Variants in TCF4 observed in about 807,000 individuals in gnomAD.
TCF4 encodes the protein transcription factor 4.
In TCF4, 3 loss-of-function variants were observed where a neutral mutation model predicts 82.1. That is an observed-to-expected ratio of 0.04 (90% CI 0.02 to 0.09). The LOEUF (loss-of-function observed/expected upper bound fraction) is 0.09. Ranked by LOEUF, TCF4 falls within the 10% of genes least tolerant of loss-of-function variation. The pLI is 1.00. For missense variants in TCF4, 518 were observed against 852.7 expected, an observed-to-expected ratio of 0.61 and a Z score of 4.89; for synonymous variants, 276 against 309.6, an observed-to-expected ratio of 0.89 and a Z score of 1.14.
chr18:55,448,514 T>G (rs974877924), intron 5 of TCF4, among the ~76,000 whole-genome samples: 8 of 152,252 alleles, frequency 5.3e-5, no homozygotes, highest in Non-Finnish European at 1.2e-4. Context: ...TTTTCCCATA[T>G]GTACACTTTA....
intron 3 of TCF4, among the ~76,000 whole-genome samples, chr18:55,559,333 G>C (rs2097334965): frequency 6.6e-6 from 1 of 151,996 alleles, no homozygotes; most frequent in Admixed American, 6.6e-5. Context: ...ATTAAAATAA[G>C]TTCCTGTAAA....
At chr18:55,602,261 A>G (rs972602839) in intron 2 of TCF4, among the ~76,000 whole-genome samples, 2 of 152,218 alleles carry the variant, frequency 1.3e-5, no homozygotes, top group African/African-American at 4.8e-5. Context: ...GCTCAAGATC[A>G]TAACATTAGT....
intron 15 of TCF4, among the ~76,000 whole-genome samples, chr18:55,247,451 T>C (rs926251801): frequency 1.1e-4 from 16 of 152,224 alleles, no homozygotes; most frequent in Admixed American, 2.6e-4. Context: ...AGGTGGCTTA[T>C]GGATTTCAGT....
intron 2 of TCF4, among the ~76,000 whole-genome samples, chr18:55,620,426 A>G (rs1001702945): frequency 6.6e-5 from 10 of 152,188 alleles, no homozygotes; most frequent in Non-Finnish European, 1.5e-4. Context: ...GGTTATAGAC[A>G]CTATTCCTGG....
rs538630354 is a variant in TCF4 at position 55,371,432 on chromosome 18, C to T, written c.370-20429G>A. On this transcript the variant is annotated intron_variant, in intron 6 of 19. Transcript: ENST00000354452. ...TTCATTTGTGGACAGGAGACATTCACTGTACCTACTCAAAGAGATGCTTGG... is the reference window on the plus strand; with the variant it reads ...TTCATTTGTGGACAGGAGACATTCATTGTACCTACTCAAAGAGATGCTTGG... Among the ~76,000 whole-genome samples, 3 of 152,334 alleles carry T rather than the reference C, an allele frequency of 2.0e-5. No individual in the cohort carries two copies. In the South Asian group the frequency reaches 6.2e-4, roughly 32 times the overall value.
chr18:55,503,189 G>C (rs187022978), intron 3 of TCF4, among the ~76,000 whole-genome samples: 1 of 152,310 alleles, frequency 6.6e-6, no homozygotes, highest in East Asian at 1.9e-4. Context: ...AAATAATTTA[G>C]TTATTTGTGT....
intron 3 of TCF4, among the ~76,000 whole-genome samples, chr18:55,494,171 C>T (rs2096605752): frequency 6.6e-6 from 1 of 151,674 alleles, no homozygotes; most frequent in Non-Finnish European, 1.5e-5. Context: ...CACACACACA[C>T]ACACACACAC....
intron 3 of TCF4, among the ~76,000 whole-genome samples, chr18:55,559,256 C>T (rs1004481755): frequency 2.6e-5 from 4 of 151,626 alleles, no homozygotes; most frequent in African/African-American, 9.7e-5. Context: ...TTAGCATATG[C>T]CTTTTAAGAC....
At position 55,634,709 on chromosome 18, in the gene TCF4, T is replaced by C. The variant is rs116968822; in HGVS notation, c.195+994A>G. 1.5e-3 allele frequency among the ~76,000 whole-genome samples: 233 copies of C among 152,298 alleles called. 3 individuals carry two copies. Among genetic ancestry groups the C allele is most frequent in the East Asian group, 9.2e-3 (48 of 5,190 alleles). On this transcript the variant is annotated intron_variant, in intron 1 of 20. Coordinates refer to the TCF4 transcript ENST00000398339. ...ACTGACAATGGTGTATTTATGACCT[T>C]GTGGTAGGGAGTAACAAAGTGAGGG...
intron 3 of TCF4, among the ~76,000 whole-genome samples, chr18:55,581,832 C>T (rs1349674660): frequency 2.0e-5 from 3 of 152,070 alleles, no homozygotes; most frequent in Admixed American, 6.6e-5. Context: ...TGTTTTAACG[C>T]TGCTCTTAAT....
chr18:55,632,480 A>G (rs939181174), intron 1 of TCF4, among the ~76,000 whole-genome samples: 5 of 152,228 alleles, frequency 3.3e-5, no homozygotes, highest in African/African-American at 1.2e-4. Context: ...GAAGAGCTAT[A>G]TGTCTTCAGA....
At chr18:55,584,328 A>G (rs1359532303) in intron 3 of TCF4, among the ~76,000 whole-genome samples, 1 of 152,170 alleles carries the variant, frequency 6.6e-6, no homozygotes, top group African/African-American at 2.4e-5. Context: ...TAAGAATAGT[A>G]CTTGGCCTAA....
intron 2 of TCF4, among the ~76,000 whole-genome samples, chr18:55,620,785 A>G (rs1266814904): frequency 6.9e-6 from 1 of 144,414 alleles, no homozygotes; most frequent in Non-Finnish European, 1.5e-5. Context: ...ATTATCTCAT[A>G]TATTTTGTCC....
At chr18:55,564,295 C>A (rs2097382050) in intron 3 of TCF4, among the ~76,000 whole-genome samples, 1 of 152,190 alleles carries the variant, frequency 6.6e-6, no homozygotes, top group African/African-American at 2.4e-5. Flanking sequence ...TTAAGGAGAA[C>A]AGAAGTTATT....
chr18:55,467,003 T>C (rs894301015), intron 3 of TCF4, among the ~76,000 whole-genome samples: 1 of 152,242 alleles, frequency 6.6e-6, no homozygotes, highest in Non-Finnish European at 1.5e-5. Flanking sequence ...TTTCTTTCTT[T>C]GATTGCTCTC....
intron 8 of TCF4, among the ~76,000 whole-genome samples, chr18:55,312,497 T>C (rs2072844914): frequency 6.6e-6 from 1 of 152,144 alleles, no homozygotes; most frequent in Admixed American, 6.5e-5. Flanking sequence ...AACAATTCCG[T>C]ATGGTTTTGC....
At chr18:55,515,449 G>A (rs1181802369) in intron 3 of TCF4, among the ~76,000 whole-genome samples, 1 of 152,164 alleles carries the variant, frequency 6.6e-6, no homozygotes, top group Non-Finnish European at 1.5e-5. Context: ...AAGCATCTCA[G>A]CAGCTGTGAT....
At chr18:55,288,032 C>A (rs1373518141) in intron 8 of TCF4, among the ~76,000 whole-genome samples, 3 of 152,100 alleles carry the variant, frequency 2.0e-5, no homozygotes, top group Admixed American at 6.5e-5. Flanking sequence ...ATTAAATCTG[C>A]AGAGTGGCTC....
intron 15 of TCF4, among the ~76,000 whole-genome samples, chr18:55,236,466 TTA>T: frequency 6.6e-6 from 1 of 150,878 alleles, no homozygotes; most frequent in Non-Finnish European, 1.5e-5. Flanking sequence ...TTTTTTTTTT[TTA>T]AACATATTCA....
Sources: allele counts gnomAD v4.1 joint callset (sites outside exome capture counted in the v4.1 genomes callset), GRCh38; gene constraint gnomAD v4.1.1; transcripts MANE v1.5; gene names NCBI Gene and HGNC (gene_info 2026-07-23, HGNC 2026-07-21).